The following NECTIN3 variants were observed in gnomAD, a reference collection of about 807,000 sequenced individuals.
NECTIN3 encodes the protein nectin-3.
NECTIN3 carries 8 observed loss-of-function variants against 49.4 expected under a neutral mutation model. That is an observed-to-expected ratio of 0.16 (90% CI 0.10 to 0.29). NECTIN3 has a LOEUF of 0.29. Among genes scored for constraint, NECTIN3 ranks in the 10% least tolerant of loss-of-function variants. The pLI is 1.00. For synonymous variants in NECTIN3, 277 were observed against 241.1 expected, an observed-to-expected ratio of 1.15 and a Z score of -1.38; for missense variants, 581 against 654.6, an observed-to-expected ratio of 0.89 and a Z score of 1.23.
chr3:111,093,655 C>T (rs1351462656), intron 1 of NECTIN3, among the ~76,000 whole-genome samples: 2 of 151,992 alleles, frequency 1.3e-5, no homozygotes, highest in African/African-American at 2.4e-5. Flanking sequence ...AGGCTGGCCT[C>T]GAACTCCTAA....
At position 111,136,027 on chromosome 3, in the gene NECTIN3, A is replaced by G. The variant is rs954658192; in HGVS notation, c.*1812A>G. On this transcript the variant is annotated 3_prime_UTR_variant, in exon 6 of 6. Coordinates refer to ENST00000485303, the MANE Select transcript of NECTIN3 (RefSeq NM_015480.3). ...TTTTTAGTGCAAGTTTTTGGAAGAA[A>G]ACTTTTTGATAAAACACTGTGATTG... 2.0e-6 allele frequency: 2 copies of G among 978,040 alleles called. No homozygotes were observed. Among genetic ancestry groups the G allele is most frequent in the African/African-American group, 1.8e-5 (1 of 56,990 alleles). 60.6% of individuals were successfully genotyped at this position (978,040 alleles called of 1,614,324 possible). A position where few individuals can be genotyped will look rare whatever the true frequency, so the allele number is the denominator to read the frequency against.
Position 111,118,677 on chromosome 3 carries a change from T to C in NECTIN3, c.524T>C (p.Ile175Thr), listed in dbSNP as rs1311698226. The change falls in exon 3 of 6, where the codon ATA becomes ACA. Residue 175 changes from isoleucine (I) to threonine (T), a missense_variant. This residue lies in a region of NECTIN3 where 234 missense variants were observed against 340.6 expected (regional missense o/e 0.69). Transcript: ENST00000485303. Reference sequence around the variant, plus strand: ...ACAGTTGAACCCACTGTGAGCCTGATAAAAGGGCCAGATTCTTTAATTGAT... The same window carrying C: ...ACAGTTGAACCCACTGTGAGCCTGACAAAAGGGCCAGATTCTTTAATTGAT... ...TVLVEPTVSL[I>T]KGPDSLIDGG... The C allele has an allele frequency of 1.2e-6, 2 of 1,605,696 alleles. No homozygotes were observed. Among genetic ancestry groups the C allele is most frequent in the Non-Finnish European group, 1.7e-6 (2 of 1,175,272 alleles).
chr3:111,133,472 A>T (rs1053791137), intron 5 of NECTIN3, among the ~76,000 whole-genome samples, 163 bp from the exon 6 acceptor site: 4 of 152,156 alleles, frequency 2.6e-5, no homozygotes, highest in African/African-American at 9.6e-5. Context: ...TAAATAGATG[A>T]GTACCACTAC....
At chr3:111,147,615 ATGT>A (rs1026559181) in intron 7 of NECTIN3, 18 of 795,200 alleles carry the variant, frequency 2.3e-5, no homozygotes, top group African/African-American at 1.2e-4. Context: ...TATGCATTAA[ATGT>A]TGTTTAGTCA....
At chr3:111,122,582 C>T (rs1425570368) in intron 4 of NECTIN3, among the ~76,000 whole-genome samples, 1 of 152,126 alleles carries the variant, frequency 6.6e-6, no homozygotes, top group Non-Finnish European at 1.5e-5. Context: ...CATATACACA[C>T]ATTCCTACCT....
At chr3:111,125,443 G>A (rs1040962103) in intron 4 of NECTIN3, among the ~76,000 whole-genome samples, 2 of 152,142 alleles carry the variant, frequency 1.3e-5, no homozygotes, top group South Asian at 4.1e-4. Context: ...TTAGCAGTGT[G>A]CCTAGTTCCG....
intron 3 of NECTIN3, among the ~76,000 whole-genome samples, chr3:111,119,524 G>T (rs2033853595): frequency 6.6e-6 from 1 of 152,170 alleles, no homozygotes. Flanking sequence ...TACAGATGGG[G>T]TTTCACCATG....
intron 1 of NECTIN3, chr3:111,074,771 A>G (rs990741864): frequency 1.3e-5 from 2 of 152,142 alleles, no homozygotes; most frequent in African/African-American, 4.8e-5. Flanking sequence ...TTACGTCATC[A>G]TCTGACTTGA....
At chr3:111,192,336 T>C, upstream of NECTIN3, 1 of 1,534,652 alleles carries the variant, frequency 6.5e-7, no homozygotes, top group Non-Finnish European at 8.7e-7. Context: ...CACATCTTTT[T>C]GTGTTTTCTT....
chr3:111,172,346 G>C (rs954650500), intron 7 of NECTIN3, among the ~76,000 whole-genome samples: 1 of 152,106 alleles, frequency 6.6e-6, no homozygotes. Flanking sequence ...ACTATGTTAA[G>C]ATATATATGA....
At chr3:111,183,039 C>T (rs1035550939) in intron 7 of NECTIN3, among the ~76,000 whole-genome samples, 1 of 151,914 alleles carries the variant, frequency 6.6e-6, no homozygotes, top group Non-Finnish European at 1.5e-5. Context: ...CTTAATATTA[C>T]ATAATACTAC....
At chr3:111,090,950 CAT>C (rs1446557684) in intron 1 of NECTIN3, among the ~76,000 whole-genome samples, 2 of 151,766 alleles carry the variant, frequency 1.3e-5, no homozygotes, top group Non-Finnish European at 2.9e-5. Context: ...GTGTGTATCT[CAT>C]AAGCATTTTT....
At chr3:111,144,934 G>C (rs1169889825) in exon 6 of NECTIN3, 1 of 1,536,268 alleles carries the variant, frequency 6.5e-7, no homozygotes, top group Non-Finnish European at 8.7e-7. Context: ...CATAGCTGTA[G>C]CTGGAGCGGT....
chr3:111,179,665 T>C (rs7621239), intron 7 of NECTIN3, among the ~76,000 whole-genome samples: 15,555 of 152,028 alleles, frequency 0.1, 846 homozygotes, highest in East Asian at 0.15. Flanking sequence ...GAGGCCGAGA[T>C]GGGCAGATCA....
chr3:111,190,983 A>G (rs1279064207), upstream of NECTIN3, among the ~76,000 whole-genome samples: 1 of 152,216 alleles, frequency 6.6e-6, no homozygotes, highest in South Asian at 2.1e-4. Flanking sequence ...GCCATGTTGG[A>G]TAAGTAGAAT....
intron 1 of NECTIN3, among the ~76,000 whole-genome samples, chr3:111,099,585 T>A (rs1220143559): frequency 6.6e-6 from 1 of 152,240 alleles, no homozygotes; most frequent in Non-Finnish European, 1.5e-5. Flanking sequence ...TAATATGTGC[T>A]ATGCATCCTA....
chr3:111,107,037 A>G (rs975292794), intron 1 of NECTIN3, among the ~76,000 whole-genome samples: 2 of 152,158 alleles, frequency 1.3e-5, no homozygotes, highest in Non-Finnish European at 2.9e-5. Context: ...TCAGGGAGGA[A>G]AGAAAGGGAA....
intron 1 of NECTIN3, among the ~76,000 whole-genome samples, chr3:111,106,162 A>G (rs560906509): frequency 1.3e-5 from 2 of 152,120 alleles, no homozygotes; most frequent in South Asian, 4.2e-4. Flanking sequence ...TGACATTTAC[A>G]CCTCTGTTCT....
chr3:111,191,192 G>A (rs1176446022), upstream of NECTIN3, among the ~76,000 whole-genome samples: 1 of 152,188 alleles, frequency 6.6e-6, no homozygotes, highest in African/African-American at 2.4e-5. Flanking sequence ...ATTAGACAAA[G>A]CCACATTTGA....
Sources: allele counts gnomAD v4.1 joint callset (sites outside exome capture counted in the v4.1 genomes callset), GRCh38; gene constraint gnomAD v4.1.1; regional missense constraint gnomAD v4.1.1; transcripts MANE v1.5; gene names NCBI Gene and HGNC (gene_info 2026-07-23, HGNC 2026-07-21).